CHMP4B: variants seen among roughly 807,000 people sequenced by gnomAD.
The protein encoded by CHMP4B is SNF7 homolog associated with Alix 1.
In CHMP4B, 1 loss-of-function variant was observed where a neutral mutation model predicts 25.1. The observed-to-expected ratio is 0.04, with a 90% CI of 0.01 to 0.19. The LOEUF (loss-of-function observed/expected upper bound fraction) is 0.19, where lower values mean the gene tolerates loss of function less well. Ranked by LOEUF, CHMP4B falls within the 10% of genes least tolerant of loss-of-function variation. CHMP4B has a pLI of 1.00. For synonymous variants in CHMP4B, 101 were observed against 115.6 expected (o/e 0.87, Z 0.81); for missense variants, 151 against 289.7 (o/e 0.52, Z 3.48).
At chr20:33,845,591 G>A (rs1351943687) in intron 1 of CHMP4B, among the ~76,000 whole-genome samples, 1 of 152,142 alleles carries the variant, frequency 6.6e-6, no homozygotes, top group Admixed American at 6.5e-5. Flanking sequence ...CCAAAGTGGT[G>A]GGATTACAGG....
At chr20:33,818,325 C>T (rs1289322758) in intron 1 of CHMP4B, among the ~76,000 whole-genome samples, 2 of 152,256 alleles carry the variant, frequency 1.3e-5, no homozygotes, top group Admixed American at 1.3e-4. Flanking sequence ...GAGGAAAATA[C>T]AGCAGGAAGA....
At chr20:33,820,617 A>C (rs1978912276) in intron 1 of CHMP4B, among the ~76,000 whole-genome samples, 1 of 152,178 alleles carries the variant, frequency 6.6e-6, no homozygotes, top group African/African-American at 2.4e-5. Context: ...TTGTTCTAGA[A>C]GCATACTTAG....
At chr20:33,815,721 G>A (rs1978766621) in intron 1 of CHMP4B, among the ~76,000 whole-genome samples, 1 of 152,186 alleles carries the variant, frequency 6.6e-6, no homozygotes, top group South Asian at 2.1e-4. Flanking sequence ...ACAATCTTGT[G>A]GGTAAGTTCT....
Position 33,852,150 on chromosome 20 carries a change from C to G in CHMP4B, c.557C>G (p.Pro186Arg). The change falls in exon 4 of 5, where the codon CCC becomes CGC. Residue 186 changes from proline (P) to arginine (R), a missense_variant. Physicochemically the swap from Pro to Arg is moderately radical, Grantham distance 103. This residue lies in a region of CHMP4B where 41 missense variants were observed against 50.9 expected (regional missense o/e 0.81). Coordinates refer to ENST00000217402, the MANE Select transcript of CHMP4B (RefSeq NM_176812.5). Reference sequence around the variant, plus strand: ...AAGAATTTGCTGGAAATCAGTGGACCCGAAACAGTCCCTCTACCAAATGTT... The same window carrying G: ...AAGAATTTGCTGGAAATCAGTGGACGCGAAACAGTCCCTCTACCAAATGTT... The part of the protein sequence containing the change: ...LDKNLLEISG[P>R]ETVPLPNVPS... The G allele has an allele frequency of 6.2e-7, 1 of 1,614,170 alleles. No homozygotes were observed. The highest frequency in any genetic ancestry group is 8.5e-7 in the Non-Finnish European group (1 of 1,180,002).
intron 4 of CHMP4B, among the ~76,000 whole-genome samples, chr20:33,852,829 A>G (rs549401274): frequency 6.6e-6 from 1 of 152,326 alleles, no homozygotes; most frequent in Non-Finnish European, 1.5e-5. Context: ...TGACTCCTTT[A>G]GAGACCTGAT....
intron 1 of CHMP4B, among the ~76,000 whole-genome samples, chr20:33,829,744 C>T (rs558877428): frequency 6.6e-6 from 1 of 152,244 alleles, no homozygotes; most frequent in Admixed American, 6.5e-5. Context: ...CATGGTGATC[C>T]CTTTCCTTAA....
intron 4 of CHMP4B, 84 bp from the exon 5 acceptor site, chr20:33,853,412 A>G: frequency 3.9e-6 from 5 of 1,280,072 alleles, no homozygotes; most frequent in South Asian, 2.4e-5. Flanking sequence ...GACAGACACC[A>G]TGGAGCACAG....
At chr20:33,839,743 C>T (rs576372211) in intron 1 of CHMP4B, among the ~76,000 whole-genome samples, 10 of 152,080 alleles carry the variant, frequency 6.6e-5, no homozygotes, top group Admixed American at 3.3e-4. Context: ...CTGCTTGGTG[C>T]GGGGTAGACG....
chr20:33,821,906 T>C (rs904400075), intron 1 of CHMP4B, among the ~76,000 whole-genome samples: 1 of 152,092 alleles, frequency 6.6e-6, no homozygotes, highest in African/African-American at 2.4e-5. Context: ...AACCTCCGCC[T>C]TCTGGGCTGA....
chr20:33,840,245 C>CA lies in CHMP4B; in HGVS notation c.191-8210dup, dbSNP rs113894341. ...TGGGTGACAGTGTAAGACTCCATCTCAAAAAAAAAAAAGGGGGGGGACAGG... is the reference window on the plus strand; with the variant it reads ...TGGGTGACAGTGTAAGACTCCATCTCAAAAAAAAAAAAAGGGGGGGGACAGG... On this transcript the variant is annotated intron_variant, in intron 1 of 4. Transcript: ENST00000217402. Among the ~76,000 whole-genome samples the CA allele has an allele frequency of 6.7e-3, 655 of 97,932 alleles. 1 individual carries two copies. The highest frequency in any genetic ancestry group is 0.02 in the African/African-American group (511 of 25,658). 64.2% of individuals were successfully genotyped at this position (97,932 alleles called of 152,430 possible).
chr20:33,811,758 C>T (rs1441147699), intron 1 of CHMP4B, 100 bp downstream of exon 1: 5 of 1,230,812 alleles, frequency 4.1e-6, no homozygotes, highest in South Asian at 3.9e-5. Flanking sequence ...TCTGGTCTGA[C>T]CCTGGAACTC....
chr20:33,839,788 T>C (rs1303548160), intron 1 of CHMP4B, among the ~76,000 whole-genome samples: 3 of 152,202 alleles, frequency 2.0e-5, no homozygotes, highest in African/African-American at 7.2e-5. Flanking sequence ...CCTTTGCAGA[T>C]AGGCAGCTTG....
At chr20:33,849,714 G>A (rs955416273) in intron 2 of CHMP4B, among the ~76,000 whole-genome samples, 1 of 152,184 alleles carries the variant, frequency 6.6e-6, no homozygotes, top group African/African-American at 2.4e-5. Context: ...GTACTCAGCT[G>A]TGCTGTCCAA....
intron 1 of CHMP4B, among the ~76,000 whole-genome samples, chr20:33,840,487 AC>A (rs1568609925): frequency 6.6e-6 from 1 of 152,154 alleles, no homozygotes; most frequent in African/African-American, 2.4e-5. Context: ...CTTACCTGAC[AC>A]CCACCTTCAG....
At chr20:33,848,789 T>C in intron 2 of CHMP4B, 145 bp downstream of exon 2, 1 of 829,498 alleles carries the variant, frequency 1.2e-6, no homozygotes. Flanking sequence ...TTTTTGGAAC[T>C]CCGAAAATGG....
intron 2 of CHMP4B, among the ~76,000 whole-genome samples, chr20:33,849,312 A>G (rs1008180457): frequency 2.0e-5 from 3 of 152,172 alleles, no homozygotes; most frequent in Non-Finnish European, 4.4e-5. Flanking sequence ...TACAATCTGC[A>G]TTTGGGCTGG....
At position 33,830,144 on chromosome 20, in the gene CHMP4B, G is replaced by C. The variant is rs528494183; in HGVS notation, c.191-18323G>C. Among the ~76,000 whole-genome samples the C allele has an allele frequency of 2.6e-5, 4 of 152,324 alleles. No homozygotes were observed. In the East Asian group the frequency reaches 7.7e-4, roughly 29 times the overall value. The stretch of plus-strand genomic sequence containing the variant: ...TCAGCAGGATGTGGAAGGAAGCTTG[G>C]CTGGGAGAGGGTGGTGGTGAAGAGG... On this transcript the variant is annotated intron_variant, in intron 1 of 4. Transcript: ENST00000217402.
intron 1 of CHMP4B, among the ~76,000 whole-genome samples, chr20:33,823,579 C>T (rs1169596095): frequency 1.3e-5 from 2 of 152,064 alleles, no homozygotes; most frequent in Non-Finnish European, 2.9e-5. Flanking sequence ...ACTCTGTTGC[C>T]CAGGCTGGAG....
Position 33,848,612 on chromosome 20 carries a change from C to T in CHMP4B, c.336C>T (p.Ala112=), listed in dbSNP as rs777388581. The part of the protein sequence containing the change: ...NTEVLKNMGY[A]AKAMKAAHDN... ...AGGTGCTCAAGAACATGGGCTATGC[C>T]GCCAAGGCCATGAAGGCGGCCCATG... The change falls in exon 2 of 5, where the codon GCC becomes GCT. Residue 112 remains alanine, a synonymous_variant. Coordinates refer to ENST00000217402, the MANE Select transcript of CHMP4B (RefSeq NM_176812.5). 16 of 1,614,080 alleles carry T rather than the reference C, an allele frequency of 9.9e-6. No individual in the cohort carries two copies. The African/African-American group carries it at 1.7e-4, about 18-fold the overall frequency.
Sources: allele counts gnomAD v4.1 joint callset (sites outside exome capture counted in the v4.1 genomes callset), GRCh38; gene constraint gnomAD v4.1.1; regional missense constraint gnomAD v4.1.1; transcripts MANE v1.5; gene names NCBI Gene and HGNC (gene_info 2026-07-23, HGNC 2026-07-21).